MARCHF3: variants seen among roughly 807,000 people sequenced by gnomAD.
MARCHF3 encodes E3 ubiquitin-protein ligase MARCHF3.
Under a neutral mutation model 24.2 loss-of-function variants are expected in MARCHF3, and 13 were observed. The observed-to-expected ratio is 0.54, with a 90% CI of 0.35 to 0.85. The LOEUF (loss-of-function observed/expected upper bound fraction) is 0.85, where lower values mean the gene tolerates loss of function less well. MARCHF3 is among the 40% of genes least tolerant of loss of function. MARCHF3 has a pLI of 0.01. For missense variants in MARCHF3, 276 were observed against 325.0 expected (o/e 0.85, Z 1.16); for synonymous variants, 144 against 137.3 (o/e 1.05, Z -0.34).
chr5:126,900,131 T>G (rs1468790347), intron 3 of MARCHF3, among the ~76,000 whole-genome samples: 1 of 152,094 alleles, frequency 6.6e-6, no homozygotes, highest in Non-Finnish European at 1.5e-5. Context: ...AGGGCTTTAC[T>G]CATAATTTTT....
intron 1 of MARCHF3, among the ~76,000 whole-genome samples, chr5:126,934,943 T>C (rs1419893372): frequency 3.3e-5 from 5 of 152,190 alleles, no homozygotes; most frequent in Non-Finnish European, 7.3e-5. Context: ...TTGAAACTCA[T>C]GTACACATTT....
At chr5:126,937,495 AT>A (rs1749684982) in intron 1 of MARCHF3, among the ~76,000 whole-genome samples, 1 of 152,250 alleles carries the variant, frequency 6.6e-6, no homozygotes, top group African/African-American at 2.4e-5. Context: ...TGGAATTTAT[AT>A]ATCCAAATTG....
intron 1 of MARCHF3, among the ~76,000 whole-genome samples, chr5:126,959,124 A>G (rs528969160): frequency 5.3e-5 from 8 of 152,278 alleles, no homozygotes; most frequent in Non-Finnish European, 1.0e-4. Context: ...TCCAAAGGCT[A>G]TAGTATGGAA....
At chr5:126,959,431 A>C (rs1750566904) in intron 1 of MARCHF3, among the ~76,000 whole-genome samples, 1 of 152,180 alleles carries the variant, frequency 6.6e-6, no homozygotes, top group South Asian at 2.1e-4. Context: ...AAGTCTGAGA[A>C]ACTATCCCAG....
chr5:126,942,423 T>C (rs1749858841), intron 1 of MARCHF3, among the ~76,000 whole-genome samples: 1 of 151,778 alleles, frequency 6.6e-6, no homozygotes, highest in African/African-American at 2.4e-5. Flanking sequence ...TTTCATGTAA[T>C]TCTTTGTTTT....
intron 3 of MARCHF3, among the ~76,000 whole-genome samples, chr5:126,880,700 G>A (rs181163341): frequency 3.0e-4 from 45 of 152,234 alleles, no homozygotes; most frequent in Non-Finnish European, 4.4e-5. Context: ...AATTAAAATC[G>A]CAAGACATTT....
chr5:127,003,462 C>G (rs1207553955), intron 1 of MARCHF3, among the ~76,000 whole-genome samples: 1 of 106,406 alleles, frequency 9.4e-6, no homozygotes, highest in Non-Finnish European at 1.9e-5. Flanking sequence ...AGCGAGACTC[C>G]GTCTCAAAGG....
chr5:126,970,633 T>C (rs762513963), intron 1 of MARCHF3, among the ~76,000 whole-genome samples: 9 of 152,170 alleles, frequency 5.9e-5, no homozygotes, highest in Admixed American at 2.0e-4. Context: ...CTTTGACAGA[T>C]TAAGCCAAAG....
At chr5:127,019,441 T>A (rs1349915875) in intron 1 of MARCHF3, among the ~76,000 whole-genome samples, 3 of 152,204 alleles carry the variant, frequency 2.0e-5, no homozygotes, top group African/African-American at 7.2e-5. Flanking sequence ...CCTTTGTTAG[T>A]GACACTGACA....
chr5:126,892,994 A>G (rs1308119009), intron 3 of MARCHF3, among the ~76,000 whole-genome samples: 1 of 151,792 alleles, frequency 6.6e-6, no homozygotes, highest in Non-Finnish European at 1.5e-5. Context: ...TCAGAGATTC[A>G]ACTTCTTCCT....
At chr5:126,955,974 G>C (rs563584677) in intron 1 of MARCHF3, among the ~76,000 whole-genome samples, 1 of 152,014 alleles carries the variant, frequency 6.6e-6, no homozygotes, top group African/African-American at 2.4e-5. Context: ...CATTTGTATG[G>C]GATGAGACAT....
chr5:126,882,320 T>C lies in MARCHF3; in HGVS notation c.394-3926A>G, dbSNP rs967757864. Among the ~76,000 whole-genome samples, 5 of 152,294 alleles carry C rather than the reference T, an allele frequency of 3.3e-5. No homozygotes were observed. The South Asian group carries it at 8.3e-4, about 25-fold the overall frequency. On this transcript the variant is annotated intron_variant, in intron 3 of 4. Coordinates refer to ENST00000308660, the MANE Select transcript of MARCHF3 (RefSeq NM_178450.5). ...ATTGGGTACATCTGGTAACTGAATGTTTAGTTGGCTGGCCAGGATTTGATC... is the reference window on the plus strand; with the variant it reads ...ATTGGGTACATCTGGTAACTGAATGCTTAGTTGGCTGGCCAGGATTTGATC...
intron 3 of MARCHF3, among the ~76,000 whole-genome samples, chr5:126,883,506 C>A (rs943937063): frequency 6.6e-6 from 1 of 152,130 alleles, no homozygotes. Flanking sequence ...GAAACCCCAC[C>A]GTAATCAGCA....
intron 1 of MARCHF3, among the ~76,000 whole-genome samples, chr5:126,924,967 G>A (rs554528986): frequency 6.6e-6 from 1 of 152,306 alleles, no homozygotes; most frequent in South Asian, 2.1e-4. Context: ...CAAATAAAGT[G>A]ACCATCCAAG....
At chr5:126,915,350 C>A (rs996539645) in intron 2 of MARCHF3, among the ~76,000 whole-genome samples, 1 of 152,166 alleles carries the variant, frequency 6.6e-6, no homozygotes, top group African/African-American at 2.4e-5. Context: ...AGGGGATTGC[C>A]AATATCAAAG....
At chr5:126,963,592 C>T (rs1041640674) in intron 1 of MARCHF3, among the ~76,000 whole-genome samples, 49 of 152,066 alleles carry the variant, frequency 3.2e-4, no homozygotes, top group Non-Finnish European at 2.5e-4. Context: ...TGAGCTAAGA[C>T]AAGATTAATT....
At chr5:127,027,083 CA>C (rs1299216658) in intron 1 of MARCHF3, among the ~76,000 whole-genome samples, 34 of 152,174 alleles carry the variant, frequency 2.2e-4, no homozygotes, top group Middle Eastern at 3.4e-3. Context: ...GAACAGAATC[CA>C]AATGTCAGTA....
intron 1 of MARCHF3, among the ~76,000 whole-genome samples, chr5:126,956,371 G>A (rs1750439154): frequency 6.6e-6 from 1 of 152,012 alleles, no homozygotes; most frequent in East Asian, 1.9e-4. Flanking sequence ...AGGCATGGTG[G>A]CTCACGCCTG....
chr5:127,015,607 C>G (rs1204574428), intron 1 of MARCHF3, among the ~76,000 whole-genome samples: 1 of 152,196 alleles, frequency 6.6e-6, no homozygotes, highest in Non-Finnish European at 1.5e-5. Flanking sequence ...TGCTTCATTT[C>G]TGTCAACCCC....
Sources: allele counts gnomAD v4.1 joint callset (sites outside exome capture counted in the v4.1 genomes callset), GRCh38; gene constraint gnomAD v4.1.1; transcripts MANE v1.5; gene names NCBI Gene and HGNC (gene_info 2026-07-23, HGNC 2026-07-21).